Variants in PTPRK observed in about 807,000 individuals in gnomAD.
The protein encoded by PTPRK is receptor-type tyrosine-protein phosphatase kappa.
In PTPRK, 75 loss-of-function variants were observed where a neutral mutation model predicts 178.0. That is an observed-to-expected ratio of 0.42 (90% confidence interval 0.35 to 0.51). The LOEUF (loss-of-function observed/expected upper bound fraction) is 0.51. PTPRK is among the 20% of genes least tolerant of loss of function. PTPRK has a pLI of 0.02. For missense variants in PTPRK, 1,441 were observed against 1,797.8 expected (o/e 0.80, Z 3.59); for synonymous variants, 637 against 620.6 (o/e 1.03, Z -0.39).
intron 13 of PTPRK, among the ~76,000 whole-genome samples, chr6:128,041,848 T>C (rs952907297): frequency 6.6e-6 from 1 of 151,362 alleles, no homozygotes; most frequent in Non-Finnish European, 1.5e-5. Context: ...CATTTGTGTG[T>C]TGTCTGTGTA....
Position 128,370,606 on chromosome 6 carries a change from C to A in PTPRK, c.223+26960G>T, listed in dbSNP as rs191433172. ...TTACTTTTCTCATAAAAAATTTCTA[C>A]CAGTAAAACTGTTAGGTTTTAAATT... On this transcript the variant is annotated intron_variant, in intron 2 of 29. Coordinates refer to ENST00000368226, the MANE Select transcript of PTPRK (RefSeq NM_002844.4). Among the ~76,000 whole-genome samples the A allele has an allele frequency of 2.6e-5, 4 of 152,006 alleles. No individual in the cohort carries two copies. In the East Asian group the frequency reaches 5.8e-4, roughly 22 times the overall value.
At chr6:128,503,720 C>A (rs1855886016) in intron 1 of PTPRK, among the ~76,000 whole-genome samples, 2 of 152,128 alleles carry the variant, frequency 1.3e-5, no homozygotes, top group Admixed American at 1.3e-4. Flanking sequence ...GTTGCCCAAG[C>A]TAGAGTGCAG....
chr6:127,999,012 A>C, intron 15 of PTPRK, 108 bp from the exon 16 acceptor site: 2 of 963,044 alleles, frequency 2.1e-6, no homozygotes. Context: ...TTCTGATAAC[A>C]AGAGGAATTC....
At chr6:128,354,240 T>TTTTTTTTG (rs1562341918) in intron 2 of PTPRK, among the ~76,000 whole-genome samples, 2 of 90,220 alleles carry the variant, frequency 2.2e-5, no homozygotes, top group Non-Finnish European at 4.5e-5. Context: ...TGTTTTTTTT[T>TTTTTTTTG]TTTTTTTTTT....
intron 1 of PTPRK, among the ~76,000 whole-genome samples, chr6:128,461,807 T>C (rs151234151): frequency 2.2e-4 from 33 of 152,330 alleles, no homozygotes; most frequent in Middle Eastern, 3.4e-3. Context: ...TCTGCAGATT[T>C]ACCTGTTCTA....
At chr6:128,509,928 G>A (rs1856926001) in intron 1 of PTPRK, among the ~76,000 whole-genome samples, 2 of 152,146 alleles carry the variant, frequency 1.3e-5, no homozygotes, top group Admixed American at 6.5e-5. Flanking sequence ...GGGGCATAAT[G>A]AGTCAACACC....
At chr6:128,338,613 A>G (rs1252275167) in intron 2 of PTPRK, among the ~76,000 whole-genome samples, 5 of 152,120 alleles carry the variant, frequency 3.3e-5, no homozygotes, top group Non-Finnish European at 7.4e-5. Context: ...TGCAGACAAC[A>G]TTCTCCCAAC....
chr6:128,275,968 A>G (rs1207185550), intron 3 of PTPRK, among the ~76,000 whole-genome samples: 1 of 152,044 alleles, frequency 6.6e-6, no homozygotes, highest in Non-Finnish European at 1.5e-5. Flanking sequence ...GGGGTAATAT[A>G]TAAACCTTGC....
intron 1 of PTPRK, among the ~76,000 whole-genome samples, chr6:128,416,445 T>C (rs1842862212): frequency 6.7e-6 from 1 of 150,362 alleles, no homozygotes; most frequent in Non-Finnish European, 1.5e-5. Context: ...ATCGAGACCA[T>C]CCTGGCTAAC....
chr6:128,151,418 A>T (rs114757848), intron 7 of PTPRK, among the ~76,000 whole-genome samples: 42 of 152,212 alleles, frequency 2.8e-4, no homozygotes, highest in African/African-American at 1.0e-3. Context: ...AGCTTTAAAC[A>T]TCTCTTTAGT....
chr6:128,184,702 G>A lies in PTPRK; in HGVS notation c.892C>T (p.Pro298Ser), dbSNP rs1327332012. 6.2e-7 allele frequency: 1 copy of A among 1,613,868 alleles called. No individual in the cohort carries two copies. Among genetic ancestry groups the A allele is most frequent in the Non-Finnish European group, 8.5e-7 (1 of 1,179,892 alleles). Reference sequence around the variant, plus strand: ...GTAGGCCCAACACCAAGAAGCTGAGGAGGAGCAATGGGTCTTGGCGGTTCT... The same window carrying A: ...GTAGGCCCAACACCAAGAAGCTGAGAAGGAGCAATGGGTCTTGGCGGTTCT... ...VREPPRPIAP[P>S]QLLGVGPTYL... Residue 298 changes from proline (P) to serine (S), a missense_variant, in exon 7 of 30, where the codon CCT becomes TCT. Physicochemically the swap from Pro to Ser is moderately conservative, Grantham distance 74. Around this residue, in one of 4 missense-constraint regions of PTPRK, gnomAD observed 945 missense variants for 1,080.6 expected, o/e 0.87. Coordinates refer to ENST00000368226, the MANE Select transcript of PTPRK (RefSeq NM_002844.4).
rs530381402 is a variant in PTPRK, at chr6:128,332,413, G to A, written c.224-10103C>T. Among the ~76,000 whole-genome samples, 8 of 152,224 alleles carry A rather than the reference G, an allele frequency of 5.3e-5. No individual in the cohort carries two copies. In the South Asian group the frequency reaches 8.3e-4, roughly 16 times the overall value. ...TGGGCAAATAATTTAACCCCTCTCT[G>A]TCTTGTTTCCTCATCTTGAAGTGCC... On this transcript the variant is annotated intron_variant, in intron 2 of 29. Transcript: ENST00000368226.
intron 2 of PTPRK, among the ~76,000 whole-genome samples, chr6:128,374,147 T>C (rs1836686909): frequency 6.6e-6 from 1 of 152,186 alleles, no homozygotes; most frequent in East Asian, 1.9e-4. Context: ...TTTATTGATA[T>C]ATTTCTCAAT....
At chr6:128,255,867 C>T (rs987788015) in intron 3 of PTPRK, among the ~76,000 whole-genome samples, 6 of 152,194 alleles carry the variant, frequency 3.9e-5, no homozygotes, top group African/African-American at 1.4e-4. Flanking sequence ...AGTTACATGA[C>T]AGTTTCAATC....
At chr6:128,313,372 A>G (rs372221438) in intron 3 of PTPRK, among the ~76,000 whole-genome samples, 7 of 152,132 alleles carry the variant, frequency 4.6e-5, no homozygotes, top group African/African-American at 1.7e-4. Context: ...CTATAATACT[A>G]TTGGAGGAAA....
At chr6:128,113,300 A>C (rs914814683) in intron 7 of PTPRK, among the ~76,000 whole-genome samples, 10 of 151,772 alleles carry the variant, frequency 6.6e-5, no homozygotes, top group Admixed American at 2.6e-4. Context: ...GAATTATACC[A>C]GTGTTAACAG....
intron 7 of PTPRK, among the ~76,000 whole-genome samples, chr6:128,103,316 C>A (rs1180843036): frequency 6.6e-6 from 1 of 152,124 alleles, no homozygotes; most frequent in East Asian, 1.9e-4. Context: ...CACCATCCTT[C>A]AAGTCTTTGT....
At position 128,254,945 on chromosome 6, in the gene PTPRK, A is replaced by T. The variant is rs890615378; in HGVS notation, c.496-12343T>A. On this transcript the variant is annotated intron_variant, in intron 3 of 29. Coordinates refer to ENST00000368226, the MANE Select transcript of PTPRK (RefSeq NM_002844.4). ...TTAAAATGGGCCTGATTCATAGACC[A>T]ATGTTGTTACCCATATAAAACAAAA... 2.0e-5 allele frequency among the ~76,000 whole-genome samples: 3 copies of T among 152,314 alleles called. No individual in the cohort carries two copies. The East Asian group carries it at 5.8e-4, about 29-fold the overall frequency.
chr6:128,117,262 C>T (rs1428476163), intron 7 of PTPRK, among the ~76,000 whole-genome samples: 1 of 152,042 alleles, frequency 6.6e-6, no homozygotes, highest in Non-Finnish European at 1.5e-5. Context: ...CGTTCAATAC[C>T]CCCTAAAGCT....
Sources: gnomAD v4.1 joint callset for allele counts (sites outside exome capture counted in the v4.1 genomes callset) on GRCh38, gnomAD v4.1.1 for gene constraint, gnomAD v4.1.1 regional missense constraint, MANE v1.5 for transcripts, NCBI Gene and HGNC (gene_info 2026-07-23, HGNC 2026-07-21) for gene names.